LMTK2: variants seen among roughly 807,000 people sequenced by gnomAD.
LMTK2 encodes the protein serine/threonine-protein kinase LMTK2.
A neutral mutation model predicts 127.5 loss-of-function variants in LMTK2; 37 were observed. The ratio of observed to expected loss-of-function variants is 0.29; its 90% CI spans 0.22 to 0.38. The LOEUF is 0.38. Among genes scored for constraint, LMTK2 ranks in the 10% least tolerant of loss-of-function variants. The probability of loss-of-function intolerance (pLI) is 1.00; values close to 1 mark genes in which losing one functional copy is unlikely to be tolerated. For missense variants in LMTK2, 1,694 were observed against 1,920.3 expected (o/e 0.88, Z 2.20); for synonymous variants, 819 against 810.1 (o/e 1.01, Z -0.19).
intron 1 of LMTK2, among the ~76,000 whole-genome samples, chr7:98,124,791 A>C (rs1290391114): frequency 6.6e-6 from 1 of 152,048 alleles, no homozygotes; most frequent in East Asian, 1.9e-4. Context: ...TCTCTAAAAA[A>C]AAAATAATAA....
rs186957923 is a variant in LMTK2 at position 98,128,792 on chromosome 7, C to G, written c.104-8523C>G. 2.0e-5 allele frequency among the ~76,000 whole-genome samples: 3 copies of G among 152,036 alleles called. 1 individual carries two copies. The highest frequency in any genetic ancestry group is 4.4e-5 in the Non-Finnish European group (3 of 68,014). On this transcript the variant is annotated intron_variant, in intron 1 of 13. Coordinates refer to ENST00000297293, the MANE Select transcript of LMTK2 (RefSeq NM_014916.4). ...TGGCCTCCAGTAAGATGAGGCTGTG[C>G]GAGAACATGGTGCGTGTGGGTAAAC...
At position 98,159,528 on chromosome 7, in the gene LMTK2, C is replaced by T. The variant is rs1238294584; in HGVS notation, c.657+103C>T. Reference sequence around the variant, plus strand: ...ATGAGGGGTTGCTTTCATGTCTGTCCCCCACTTGAAGAACTTTATGATGAG... The same window carrying T: ...ATGAGGGGTTGCTTTCATGTCTGTCTCCCACTTGAAGAACTTTATGATGAG... On this transcript the variant is annotated intron_variant, in intron 6 of 13. Coordinates refer to ENST00000297293, the MANE Select transcript of LMTK2 (RefSeq NM_014916.4). The T allele has an allele frequency of 2.6e-5, 20 of 768,658 alleles. 1 individual carries two copies. The highest frequency in any genetic ancestry group is 1.4e-4 in the South Asian group (9 of 66,066). 47.6% of individuals were successfully genotyped at this position (768,658 alleles called of 1,614,324 possible).
chr7:98,205,556 C>A lies in LMTK2; in HGVS notation c.*64C>A. The A allele has an allele frequency of 6.5e-7, 1 of 1,540,350 alleles. No homozygotes were observed. Among genetic ancestry groups the A allele is most frequent in the Non-Finnish European group, 8.9e-7 (1 of 1,123,818 alleles). ...CCCTGGAGCGGCGCCCCTGCGCCCTCAGCCCGAGCAGCGACATCCACTCGC... is the reference window on the plus strand; with the variant it reads ...CCCTGGAGCGGCGCCCCTGCGCCCTAAGCCCGAGCAGCGACATCCACTCGC... On this transcript the variant is annotated 3_prime_UTR_variant, in exon 14 of 14. Transcript: ENST00000297293.
intron 1 of LMTK2, among the ~76,000 whole-genome samples, chr7:98,133,958 G>T (rs573449821): frequency 2.5e-4 from 38 of 152,340 alleles, no homozygotes; most frequent in African/African-American, 8.9e-4. Context: ...GATCAGCTAT[G>T]TGGAGTTTGA....
chr7:98,207,241 T>A lies in LMTK2; in HGVS notation c.*1749T>A, dbSNP rs1313743891. The A allele has an allele frequency of 1.3e-5, 2 of 152,134 alleles. No individual in the cohort carries two copies. The highest frequency in any genetic ancestry group is 2.9e-5 in the Non-Finnish European group (2 of 68,038). The allele number at this position is 152,134 out of a possible 1,614,324, so 9.4% of individuals were successfully genotyped here. On this transcript the variant is annotated 3_prime_UTR_variant, in exon 14 of 14. Transcript: ENST00000297293. ...CAGACTCCAGCGCAACCTGGGGTGC[T>A]CTCCAGACCCGTGCAGGGGCCGCCT...
chr7:98,109,101 C>T lies in LMTK2; in HGVS notation c.103+1821C>T, dbSNP rs139349849. Among the ~76,000 whole-genome samples, 995 of 152,082 alleles carry T rather than the reference C, an allele frequency of 6.5e-3. 15 individuals are homozygous for T. Among genetic ancestry groups the T allele is most frequent in the African/African-American group, 0.023 (941 of 41,494 alleles). On this transcript the variant is annotated intron_variant, in intron 1 of 13. Transcript: ENST00000297293. ...GTCTTGAACTCCTGACCTCGTGATTCACCCGCCTCAGCCTCCCAAAGTGCT... is the reference window on the plus strand; with the variant it reads ...GTCTTGAACTCCTGACCTCGTGATTTACCCGCCTCAGCCTCCCAAAGTGCT...
rs539335833 is a variant in LMTK2, at chr7:98,183,113, T to C, written c.792-1938T>C. ...GAAATTGAAGTATTTTGCCCCCAAA[T>C]ATATTCCTTTGACATATTTAAAAAT... On this transcript the variant is annotated intron_variant, in intron 7 of 13. Transcript: ENST00000297293. Among the ~76,000 whole-genome samples the C allele has an allele frequency of 7.2e-5, 11 of 152,366 alleles. No homozygotes were observed. The South Asian group carries it at 2.3e-3, about 32-fold the overall frequency.
chr7:98,173,914 G>A (rs1285916730), intron 7 of LMTK2, among the ~76,000 whole-genome samples: 2 of 152,076 alleles, frequency 1.3e-5, no homozygotes, highest in Non-Finnish European at 2.9e-5. Context: ...AAATTAGCCG[G>A]ATGTGGTGAC....
intron 11 of LMTK2, among the ~76,000 whole-genome samples, chr7:98,200,882 GT>G (rs1797695427): frequency 6.6e-6 from 1 of 152,068 alleles, no homozygotes; most frequent in African/African-American, 2.4e-5. Context: ...AATGTTTTCT[GT>G]CCTGGTTGGT....
chr7:98,168,747 G>A (rs1230051216), intron 6 of LMTK2, among the ~76,000 whole-genome samples: 1 of 152,146 alleles, frequency 6.6e-6, no homozygotes, highest in Non-Finnish European at 1.5e-5. Flanking sequence ...CTACCAGGGC[G>A]TTGCAGGTCA....
Position 98,194,027 on chromosome 7 carries a change from C to A in LMTK2, c.3562C>A (p.Pro1188Thr). Reference protein sequence around the residue: ...ATPEPAQTGVPQQVHPTEDEA... With the variant: ...ATPEPAQTGVTQQVHPTEDEA... The stretch of plus-strand genomic sequence containing the variant: ...GCCGGAGCCAGCACAGACTGGTGTT[C>A]CCCAGCAGGTGCATCCCACGGAAGA... The change falls in exon 11 of 14, where the codon CCC (proline) becomes ACC (threonine). Residue 1188 changes from proline (P) to threonine (T), a missense_variant. Physicochemically the swap from Pro to Thr is conservative, Grantham distance 38. This residue lies in a region of LMTK2 where 554 missense variants were observed against 567.7 expected (regional missense o/e 0.98). Transcript: ENST00000297293. The surrounding 1 kb of genome is among the most constrained non-coding windows in gnomAD (Gnocchi z 5.4). The A allele has an allele frequency of 6.2e-7, 1 of 1,614,138 alleles. No individual in the cohort carries two copies. The highest frequency in any genetic ancestry group is 2.2e-5 in the East Asian group (1 of 44,886).
chr7:98,188,820 G>A (rs546442252), intron 9 of LMTK2, among the ~76,000 whole-genome samples: 3 of 152,214 alleles, frequency 2.0e-5, no homozygotes, highest in African/African-American at 7.2e-5. Context: ...AAGGACCTTT[G>A]AGCTTCCTGG....
At chr7:98,204,787 CCT>C (rs1439063536) in intron 13 of LMTK2, among the ~76,000 whole-genome samples, 3 of 152,246 alleles carry the variant, frequency 2.0e-5, no homozygotes, top group South Asian at 2.1e-4. Flanking sequence ...CGCGCCATCT[CCT>C]CTTTTTCTCC....
At chr7:98,172,884 A>G (rs1356919042) in intron 7 of LMTK2, among the ~76,000 whole-genome samples, 1 of 152,116 alleles carries the variant, frequency 6.6e-6, no homozygotes, top group African/African-American at 2.4e-5. Flanking sequence ...CAGCCTTCCG[A>G]GTAGCTGGGG....
At chr7:98,175,930 A>G (rs1324385784) in intron 7 of LMTK2, among the ~76,000 whole-genome samples, 1 of 152,222 alleles carries the variant, frequency 6.6e-6, no homozygotes, top group Non-Finnish European at 1.5e-5. Context: ...TATTTAAACT[A>G]TTCCGGACCA....
intron 2 of LMTK2, among the ~76,000 whole-genome samples, chr7:98,138,275 A>C (rs1796624583): frequency 6.6e-6 from 1 of 152,162 alleles, no homozygotes; most frequent in Admixed American, 6.5e-5. Context: ...CAGTGGTTCA[A>C]ATTGAGGGAA....
chr7:98,117,270 T>C, intron 1 of LMTK2, among the ~76,000 whole-genome samples: 1 of 152,224 alleles, frequency 6.6e-6, no homozygotes, highest in African/African-American at 2.4e-5. Flanking sequence ...TCCCCTTCCC[T>C]TTCCTTGACA....
intron 1 of LMTK2, among the ~76,000 whole-genome samples, chr7:98,130,642 A>G (rs1458244706): frequency 6.6e-6 from 1 of 152,154 alleles, no homozygotes; most frequent in Non-Finnish European, 1.5e-5. Flanking sequence ...CTGTCCTTAT[A>G]TATAGGAAGA....
chr7:98,205,444 G>A lies in LMTK2; in HGVS notation c.4484-20G>A, dbSNP rs1227378856. The A allele has an allele frequency of 1.9e-6, 3 of 1,613,516 alleles. No homozygotes were observed. Among genetic ancestry groups the A allele is most frequent in the East Asian group, 2.2e-5 (1 of 44,896 alleles). On this transcript the variant is annotated intron_variant, in intron 13 of 13. Coordinates refer to ENST00000297293, the MANE Select transcript of LMTK2 (RefSeq NM_014916.4). ...TTTAAAAACCCAGCTTTGTCGTCTC[G>A]CTTCCTCTCTCCTCAACAGGAAGCA...
Sources: allele counts gnomAD v4.1 joint callset (sites outside exome capture counted in the v4.1 genomes callset), GRCh38; gene constraint gnomAD v4.1.1; regional missense constraint gnomAD v4.1.1; non-coding constraint Gnocchi (gnomAD v3.1); transcripts MANE v1.5; gene names NCBI Gene and HGNC (gene_info 2026-07-23, HGNC 2026-07-21).